Variants in APLP2 observed in about 807,000 individuals in gnomAD.
APLP2 encodes CDEI box-binding protein.
A neutral mutation model predicts 89.9 loss-of-function variants in APLP2; 53 were observed. The observed-to-expected ratio is 0.59, with a 90% CI of 0.47 to 0.74. The LOEUF (loss-of-function observed/expected upper bound fraction) is 0.74. Ranked by LOEUF, APLP2 falls within the 30% of genes least tolerant of loss-of-function variation. APLP2 has a pLI of 0.00. For missense variants in APLP2, 973 were observed against 975.9 expected (o/e 1.00, Z 0.04); for synonymous variants, 372 against 348.6 (o/e 1.07, Z -0.75).
At chr11:130,101,523 C>T (rs1449764862) in intron 1 of APLP2, 1 of 161,152 alleles carries the variant, frequency 6.2e-6, no homozygotes, top group Admixed American at 6.4e-5. Context: ...GGTATTGAGC[C>T]TGTTCCGATT....
chr11:130,119,207 A>G (rs1949546523), intron 3 of APLP2, among the ~76,000 whole-genome samples: 1 of 152,194 alleles, frequency 6.6e-6, no homozygotes, highest in Non-Finnish European at 1.5e-5. Flanking sequence ...CTCAGAGGTT[A>G]GTCTGCCAGC....
chr11:130,085,578 G>A (rs1316020954), intron 1 of APLP2, among the ~76,000 whole-genome samples: 1 of 152,202 alleles, frequency 6.6e-6, no homozygotes, highest in African/African-American at 2.4e-5. Flanking sequence ...CCTTCTCATA[G>A]TCTTCCAAAA....
chr11:130,118,559 T>C (rs1591820288), intron 3 of APLP2, among the ~76,000 whole-genome samples: 1 of 152,312 alleles, frequency 6.6e-6, no homozygotes, highest in East Asian at 1.9e-4. Flanking sequence ...TTGTCATAAA[T>C]GAACAAAAAC....
At chr11:130,133,813 T>C in intron 12 of APLP2, 85 bp downstream of exon 12, 1 of 1,064,312 alleles carries the variant, frequency 9.4e-7, no homozygotes, top group South Asian at 1.3e-5. Flanking sequence ...TAGAGAGAGA[T>C]GAGCAAGCAA....
chr11:130,088,446 A>G (rs775110215), intron 1 of APLP2, among the ~76,000 whole-genome samples: 4 of 152,130 alleles, frequency 2.6e-5, no homozygotes, highest in Non-Finnish European at 4.4e-5. Context: ...TGTACAATGA[A>G]TTAGCAATGC....
intron 3 of APLP2, among the ~76,000 whole-genome samples, chr11:130,118,967 C>A (rs142854701): frequency 2.8e-4 from 43 of 152,272 alleles, no homozygotes; most frequent in African/African-American, 9.4e-4. Flanking sequence ...ATGTCAGGAG[C>A]CCATCTTCCC....
intron 16 of APLP2, 54 bp from the exon 17 acceptor site, chr11:130,143,293 C>G: frequency 6.6e-7 from 1 of 1,517,860 alleles, no homozygotes; most frequent in East Asian, 2.3e-5. Flanking sequence ...TCCCAGCACC[C>G]TGTGCAGGTC....
intron 1 of APLP2, among the ~76,000 whole-genome samples, chr11:130,073,871 A>G (rs894764905): frequency 1.3e-5 from 2 of 152,208 alleles, no homozygotes; most frequent in African/African-American, 4.8e-5. Flanking sequence ...CTTTAATCTT[A>G]TAAAAAATGC....
chr11:130,121,881 GCTGCTAGT>G, intron 5 of APLP2, 71 bp downstream of exon 5: 1 of 1,558,332 alleles, frequency 6.4e-7, no homozygotes, highest in Non-Finnish European at 8.6e-7. Context: ...ACGGCTGTTG[GCTGCTAGT>G]CCCTCACTTC....
rs186704945 is a variant in APLP2 at position 130,076,032 on chromosome 11, T to A, written c.105+5950T>A. Among the ~76,000 whole-genome samples the A allele has an allele frequency of 5.8e-4, 89 of 152,366 alleles. 1 individual carries two copies. The highest frequency in any genetic ancestry group is 6.8e-3 in the Middle Eastern group (2 of 294). Reference sequence around the variant, plus strand: ...CATTGATTTATTTTTTTCTTTCGCATCATTCAAATGATATTCACTGATTTT... The same window carrying A: ...CATTGATTTATTTTTTTCTTTCGCAACATTCAAATGATATTCACTGATTTT... On this transcript the variant is annotated intron_variant, in intron 1 of 16. Coordinates refer to ENST00000338167, the MANE Select transcript of APLP2 (RefSeq NM_001142276.2).
chr11:130,091,547 C>T (rs1462702906), intron 1 of APLP2, among the ~76,000 whole-genome samples: 14 of 131,314 alleles, frequency 1.1e-4, no homozygotes, highest in East Asian at 2.3e-4. Flanking sequence ...GGGGGGCTGA[C>T]CCCCCCACCT....
intron 2 of APLP2, chr11:130,109,956 C>G (rs1207063678): frequency 4.7e-6 from 1 of 212,050 alleles, no homozygotes; most frequent in East Asian, 1.2e-4. Flanking sequence ...CATCTCAGGT[C>G]TGATTCAACT....
chr11:130,076,880 A>G (rs1315718108), intron 1 of APLP2, among the ~76,000 whole-genome samples: 1 of 152,218 alleles, frequency 6.6e-6, no homozygotes, highest in Non-Finnish European at 1.5e-5. Flanking sequence ...AGCCAAAGCA[A>G]GCCTTGGCAA....
At chr11:130,110,732 C>T in intron 3 of APLP2, 71 bp downstream of exon 3, 1 of 1,493,226 alleles carries the variant, frequency 6.7e-7, no homozygotes, top group East Asian at 2.5e-5. Context: ...TCTCTTGGCT[C>T]ACAGTGAAAT....
At position 130,079,277 on chromosome 11, in the gene APLP2, A is replaced by G. The variant is rs548680999; in HGVS notation, c.105+9195A>G. Among the ~76,000 whole-genome samples the G allele has an allele frequency of 2.6e-5, 4 of 151,704 alleles. No homozygotes were observed. In the South Asian group the frequency reaches 6.3e-4, roughly 24 times the overall value. On this transcript the variant is annotated intron_variant, in intron 1 of 16. Transcript: ENST00000338167. ...CCATGCCAGGCTAATTTTTGTATTT[A>G]TAGTAGAGATGGGGTTTCACCATGT... is the stretch of plus-strand genomic sequence containing the variant.
chr11:130,142,361 A>AGT (rs747350091), intron 16 of APLP2, among the ~76,000 whole-genome samples: 8 of 151,822 alleles, frequency 5.3e-5, no homozygotes, highest in Admixed American at 1.3e-4. Context: ...TTATTTCCTT[A>AGT]GTGTTCCTTT....
chr11:130,143,299 A>C lies in APLP2; in HGVS notation c.2155-48A>C, dbSNP rs373970893. 2.3e-4 allele frequency: 348 copies of C among 1,519,916 alleles called. 3 individuals are homozygous for C. The Admixed American group carries it at 5.7e-3, about 25-fold the overall frequency. 94.2% of individuals were successfully genotyped at this position (1,519,916 alleles called of 1,614,324 possible). A position where few individuals can be genotyped will look rare whatever the true frequency, so the allele number is the denominator to read the frequency against. On this transcript the variant is annotated intron_variant, in intron 16 of 16. Transcript: ENST00000338167. Reference sequence around the variant, plus strand: ...GCTCAGGTCTCCCAGCACCCTGTGCAGGTCTCTTCCCAGACACCACAATGA... The same window carrying C: ...GCTCAGGTCTCCCAGCACCCTGTGCCGGTCTCTTCCCAGACACCACAATGA...
intron 1 of APLP2, among the ~76,000 whole-genome samples, chr11:130,107,942 C>T (rs1284331711): frequency 6.6e-6 from 1 of 152,120 alleles, no homozygotes; most frequent in Non-Finnish European, 1.5e-5. Context: ...TTTGACAAAC[C>T]TGACAAAAAC....
chr11:130,102,025 C>G (rs756370817), intron 1 of APLP2: 9 of 454,066 alleles, frequency 2.0e-5, no homozygotes, highest in South Asian at 1.2e-4. Flanking sequence ...TGTGTCTCTG[C>G]TCTCAAGTAA....
Sources: allele counts gnomAD v4.1 joint callset (sites outside exome capture counted in the v4.1 genomes callset), GRCh38; gene constraint gnomAD v4.1.1; transcripts MANE v1.5; gene names NCBI Gene and HGNC (gene_info 2026-07-23, HGNC 2026-07-21).